Variants in GRM7 observed in about 807,000 individuals in gnomAD.
GRM7 encodes glutamate metabotropic receptor 7.
Under a neutral mutation model 84.5 loss-of-function variants are expected in GRM7, and 35 were observed. That is an observed-to-expected ratio of 0.41 (90% confidence interval 0.32 to 0.55). The LOEUF is 0.55. Ranked by LOEUF, GRM7 falls within the 20% of genes least tolerant of loss-of-function variation. GRM7 has a pLI of 0.19. For missense variants in GRM7, 1,003 were observed against 1,194.6 expected (o/e 0.84, Z 2.36); for synonymous variants, 487 against 455.1 (o/e 1.07, Z -0.89).
chr3:7,186,521 A>G (rs1161891760), intron 2 of GRM7, among the ~76,000 whole-genome samples: 1 of 152,218 alleles, frequency 6.6e-6, no homozygotes, highest in East Asian at 1.9e-4. Flanking sequence ...ATTAAAACGA[A>G]TAAGGCCAGG....
chr3:7,704,223 G>A (rs553404542), intron 9 of GRM7, among the ~76,000 whole-genome samples: 102 of 152,252 alleles, frequency 6.7e-4, no homozygotes, highest in Non-Finnish European at 1.1e-3. Flanking sequence ...GCGGTTGAAT[G>A]TTTATTTTGT....
chr3:7,733,769 A>G, intron 9 of GRM7, among the ~76,000 whole-genome samples: 1 of 152,074 alleles, frequency 6.6e-6, no homozygotes, highest in East Asian at 1.9e-4. Context: ...GGCCCTGCCT[A>G]CCTTTCCAGC....
At chr3:7,351,027 C>T (rs1272462249) in intron 4 of GRM7, among the ~76,000 whole-genome samples, 2 of 151,984 alleles carry the variant, frequency 1.3e-5, no homozygotes, top group Non-Finnish European at 2.9e-5. Context: ...GGGCATTTGT[C>T]GAGGTTGCTA....
intron 2 of GRM7, among the ~76,000 whole-genome samples, chr3:7,153,506 A>G (rs1049148853): frequency 1.3e-5 from 2 of 152,146 alleles, no homozygotes; most frequent in Non-Finnish European, 2.9e-5. Flanking sequence ...CCCAACACAG[A>G]CTAGGTTTAA....
intron 1 of GRM7, among the ~76,000 whole-genome samples, chr3:6,959,548 T>G (rs1575069035): frequency 6.6e-6 from 1 of 152,138 alleles, no homozygotes; most frequent in Admixed American, 6.6e-5. Flanking sequence ...TCTAGGAAAC[T>G]GGGCTTCCTG....
rs1008295885 is a variant in GRM7 at position 7,099,858 on chromosome 3, A to G, written c.520-46594A>G. 1.4e-5 allele frequency among the ~76,000 whole-genome samples: 2 copies of G among 144,728 alleles called. 1 individual carries two copies. Among genetic ancestry groups the G allele is most frequent in the Non-Finnish European group, 3.0e-5 (2 of 66,442 alleles). The allele number at this position is 144,728 out of a possible 152,430, so 94.9% of individuals were successfully genotyped here. A position where few individuals can be genotyped will look rare whatever the true frequency, so the allele number is the denominator to read the frequency against. On this transcript the variant is annotated intron_variant, in intron 1 of 9. Transcript: ENST00000357716. ...ATATGTACACGCATTATACATGTGC[A>G]CATATATGTATATGTACACGCATTA...
chr3:7,519,315 T>C (rs1041050141), intron 7 of GRM7, among the ~76,000 whole-genome samples: 5 of 150,806 alleles, frequency 3.3e-5, no homozygotes, highest in Non-Finnish European at 5.9e-5. Context: ...TGAGCTGAGA[T>C]AGCACCACTG....
intron 1 of GRM7, among the ~76,000 whole-genome samples, chr3:6,900,788 G>C (rs187976196): frequency 6.6e-6 from 1 of 152,272 alleles, no homozygotes. Context: ...GAATAATGCA[G>C]GTGAAAGCTT....
chr3:7,460,477 A>G (rs995205497), intron 6 of GRM7, among the ~76,000 whole-genome samples: 3 of 152,134 alleles, frequency 2.0e-5, no homozygotes, highest in African/African-American at 4.8e-5. Flanking sequence ...CTTTGGTGCC[A>G]TCAATTTGGG....
chr3:7,447,079 C>T (rs765895264), intron 5 of GRM7, among the ~76,000 whole-genome samples: 8 of 151,898 alleles, frequency 5.3e-5, no homozygotes, highest in African/African-American at 1.7e-4. Context: ...AGAAGAAAAT[C>T]GGGAGACGTG....
At chr3:7,535,975 T>C (rs1385648820) in intron 7 of GRM7, among the ~76,000 whole-genome samples, 2 of 152,182 alleles carry the variant, frequency 1.3e-5, no homozygotes, top group East Asian at 1.9e-4. Flanking sequence ...TGTGGTTTCA[T>C]AGGAGCCCTG....
At chr3:7,268,375 G>A (rs2124972766) in intron 2 of GRM7, among the ~76,000 whole-genome samples, 1 of 152,098 alleles carries the variant, frequency 6.6e-6, no homozygotes, top group South Asian at 2.1e-4. Flanking sequence ...AGGATTAGTT[G>A]AGTCCAGGTG....
intron 2 of GRM7, among the ~76,000 whole-genome samples, chr3:7,156,019 G>A (rs1055097167): frequency 1.3e-5 from 2 of 152,130 alleles, no homozygotes; most frequent in Non-Finnish European, 2.9e-5. Flanking sequence ...GGCATTAGTT[G>A]TCAAACAAGC....
intron 4 of GRM7, among the ~76,000 whole-genome samples, chr3:7,388,562 G>C (rs1694873537): frequency 6.6e-6 from 1 of 152,010 alleles, no homozygotes; most frequent in Non-Finnish European, 1.5e-5. Flanking sequence ...CTATGAATCT[G>C]TCTGGTCCAA....
chr3:7,220,965 A>G (rs1053122804), intron 2 of GRM7, among the ~76,000 whole-genome samples: 5 of 152,084 alleles, frequency 3.3e-5, no homozygotes, highest in Non-Finnish European at 5.9e-5. Flanking sequence ...ATGGTGGCAC[A>G]CACCTGTGTT....
chr3:7,481,240 G>C (rs766260513), intron 7 of GRM7, among the ~76,000 whole-genome samples: 2 of 151,998 alleles, frequency 1.3e-5, no homozygotes, highest in Non-Finnish European at 2.9e-5. Flanking sequence ...CACCATGCTT[G>C]ATTTTTTTAA....
At chr3:7,331,829 A>G (rs1701220360) in intron 4 of GRM7, among the ~76,000 whole-genome samples, 1 of 152,186 alleles carries the variant, frequency 6.6e-6, no homozygotes, top group Non-Finnish European at 1.5e-5. Flanking sequence ...TTATTAAAGA[A>G]TTAGAGAAGA....
chr3:7,053,832 T>C lies in GRM7; in HGVS notation c.520-92620T>C, dbSNP rs186191959. 2.0e-3 allele frequency among the ~76,000 whole-genome samples: 306 copies of C among 151,534 alleles called. 1 individual carries two copies. The highest frequency in any genetic ancestry group is 2.4e-3 in the Admixed American group (37 of 15,192). ...TTATTTTTCTTTTTCAAAATTGTTA[T>C]GGTTATTATAGGCCCTTTACTTTCC... is the stretch of plus-strand genomic sequence containing the variant. On this transcript the variant is annotated intron_variant, in intron 1 of 9. Coordinates refer to ENST00000357716, the MANE Select transcript of GRM7 (RefSeq NM_000844.4).
intron 5 of GRM7, among the ~76,000 whole-genome samples, chr3:7,436,713 T>C (rs1697070911): frequency 6.6e-6 from 1 of 152,114 alleles, no homozygotes; most frequent in Non-Finnish European, 1.5e-5. Context: ...TACTTATATA[T>C]CTCTCCAACT....
Sources: allele counts gnomAD v4.1 joint callset (sites outside exome capture counted in the v4.1 genomes callset), GRCh38; gene constraint gnomAD v4.1.1; transcripts MANE v1.5; gene names NCBI Gene and HGNC (gene_info 2026-07-23, HGNC 2026-07-21).